The following PDE3A variants were observed in gnomAD, a reference collection of about 807,000 sequenced individuals.
PDE3A encodes the protein cGMP-inhibited 3',5'-cyclic phosphodiesterase 3A.
In PDE3A, 43 loss-of-function variants were observed where a neutral mutation model predicts 98.3. That is an observed-to-expected ratio of 0.44 (90% CI 0.34 to 0.56). The LOEUF is 0.56. Among genes scored for constraint, PDE3A ranks in the 20% least tolerant of loss-of-function variants. The pLI, the probability that PDE3A is intolerant of heterozygous loss-of-function variation, is 0.01. For synonymous variants in PDE3A, 663 were observed against 567.9 expected, an observed-to-expected ratio of 1.17 and a Z score of -2.38; for missense variants, 1,427 against 1,440.7, an observed-to-expected ratio of 0.99 and a Z score of 0.15.
At chr12:20,564,386 C>T (rs1157344110) in intron 2 of PDE3A, among the ~76,000 whole-genome samples, 1 of 152,036 alleles carries the variant, frequency 6.6e-6, no homozygotes, top group Non-Finnish European at 1.5e-5. Flanking sequence ...AAAATGAGAA[C>T]ATGTTTCTTC....
intron 2 of PDE3A, among the ~76,000 whole-genome samples, chr12:20,587,481 C>T (rs985774733): frequency 6.6e-6 from 1 of 151,954 alleles, no homozygotes; most frequent in Non-Finnish European, 1.5e-5. Context: ...ATTTGTGTTT[C>T]ATAGTGTTTC....
At chr12:20,438,341 G>C (rs1005279083) in intron 1 of PDE3A, among the ~76,000 whole-genome samples, 1 of 152,140 alleles carries the variant, frequency 6.6e-6, no homozygotes, top group Non-Finnish European at 1.5e-5. Flanking sequence ...TGTATATAAT[G>C]TTAAGGCAGG....
intron 10 of PDE3A, among the ~76,000 whole-genome samples, chr12:20,640,626 G>T (rs564500020): frequency 1.2e-4 from 19 of 152,096 alleles, no homozygotes; most frequent in Non-Finnish European, 2.6e-4. Flanking sequence ...GTGGGAATAA[G>T]TTTCCCATTT....
intron 1 of PDE3A, among the ~76,000 whole-genome samples, chr12:20,517,501 A>G (rs543451783): frequency 6.6e-6 from 1 of 152,338 alleles, no homozygotes; most frequent in African/African-American, 2.4e-5. Flanking sequence ...GGGCACCATG[A>G]TGACATAAAT....
intron 1 of PDE3A, among the ~76,000 whole-genome samples, chr12:20,428,343 G>A (rs1037387088): frequency 3.3e-5 from 5 of 152,026 alleles, no homozygotes; most frequent in African/African-American, 9.7e-5. Flanking sequence ...GCAGAGGTGC[G>A]ATCTCCACTC....
chr12:20,669,244 G>A (rs1409708332), intron 15 of PDE3A, among the ~76,000 whole-genome samples: 1 of 152,014 alleles, frequency 6.6e-6, no homozygotes, highest in African/African-American at 2.4e-5. Context: ...GAAAGTGATG[G>A]GGAGAATGGA....
At chr12:20,551,598 C>T (rs1942201448) in intron 1 of PDE3A, 3 of 1,555,592 alleles carry the variant, frequency 1.9e-6, no homozygotes, top group East Asian at 2.4e-5. Context: ...TGTGCGGGGG[C>T]CGGCAGGACC....
chr12:20,580,279 A>G (rs1160392407), intron 2 of PDE3A, among the ~76,000 whole-genome samples: 2 of 152,162 alleles, frequency 1.3e-5, no homozygotes, highest in African/African-American at 4.8e-5. Flanking sequence ...AGGGTTCAAA[A>G]GACATGGCTC....
chr12:20,446,222 T>G (rs1176064496), intron 1 of PDE3A, among the ~76,000 whole-genome samples: 1 of 152,162 alleles, frequency 6.6e-6, no homozygotes, highest in Non-Finnish European at 1.5e-5. Flanking sequence ...CTTCCAAATG[T>G]ATAAGCTTAA....
chr12:20,413,159 G>A (rs565309912), intron 1 of PDE3A, among the ~76,000 whole-genome samples: 2 of 152,272 alleles, frequency 1.3e-5, no homozygotes, highest in East Asian at 1.9e-4. Flanking sequence ...GAATAGCAAA[G>A]GGATTTTACT....
intron 1 of PDE3A, among the ~76,000 whole-genome samples, chr12:20,466,896 G>A (rs988067161): frequency 1.3e-5 from 2 of 152,110 alleles, no homozygotes; most frequent in African/African-American, 4.8e-5. Flanking sequence ...TCTTCAGTGT[G>A]TGCTTAAGTC....
intron 2 of PDE3A, among the ~76,000 whole-genome samples, chr12:20,589,609 C>T (rs951442789): frequency 6.6e-6 from 1 of 151,972 alleles, no homozygotes. Context: ...TGGCTCACAC[C>T]TGTAATCCCA....
intron 1 of PDE3A, among the ~76,000 whole-genome samples, chr12:20,403,216 A>G (rs1944166673): frequency 6.6e-6 from 1 of 152,204 alleles, no homozygotes; most frequent in African/African-American, 2.4e-5. Context: ...CTTCAGAGAC[A>G]ATTAAAATGT....
chr12:20,600,425 C>CTAGT (rs1311073174), intron 2 of PDE3A, among the ~76,000 whole-genome samples: 1 of 152,124 alleles, frequency 6.6e-6, no homozygotes, highest in East Asian at 1.9e-4. Flanking sequence ...ATTGCCCTTA[C>CTAGT]TAGTTAATCA....
chr12:20,669,734 G>A lies in PDE3A; in HGVS notation c.3185-10296G>A, dbSNP rs965352767. On this transcript the variant is annotated intron_variant, in intron 15 of 15. Transcript: ENST00000359062. The stretch of plus-strand genomic sequence containing the variant: ...TGGAAAGGAACAACCAGTACCAGCT[G>A]CTGCAAAATCATGCCAAGATGTAAA... Among the ~76,000 whole-genome samples the A allele has an allele frequency of 1.6e-4, 25 of 152,142 alleles. No homozygotes were observed. In the East Asian group the frequency reaches 3.1e-3, roughly 19 times the overall value.
intron 1 of PDE3A, among the ~76,000 whole-genome samples, chr12:20,382,684 CAA>C (rs1389220237): frequency 6.6e-6 from 1 of 151,890 alleles, no homozygotes; most frequent in Non-Finnish European, 1.5e-5. Flanking sequence ...CTTAAACTTT[CAA>C]AACTTTAGTG....
At position 20,627,421 on chromosome 12, in the gene PDE3A, C is replaced by CT. The variant is rs1944290401; in HGVS notation, c.1541-2482dup. ...ACCACGTTCCCTGCCCCTCTTTTTGCTTTTTGCTAAGCTGCCAGCCACTGA... is the reference window on the plus strand; with the variant it reads ...ACCACGTTCCCTGCCCCTCTTTTTGCTTTTTTGCTAAGCTGCCAGCCACTGA... On this transcript the variant is annotated intron_variant, in intron 5 of 15. Transcript: ENST00000359062. Among the ~76,000 whole-genome samples the CT allele has an allele frequency of 2.6e-5, 4 of 151,368 alleles. No homozygotes were observed. In the South Asian group the frequency reaches 8.4e-4, roughly 32 times the overall value.
chr12:20,600,135 T>C (rs902922819), intron 2 of PDE3A, among the ~76,000 whole-genome samples: 1 of 152,156 alleles, frequency 6.6e-6, no homozygotes, highest in African/African-American at 2.4e-5. Context: ...TATACTCCTT[T>C]CTCTTCACAC....
intron 1 of PDE3A, among the ~76,000 whole-genome samples, chr12:20,554,665 C>A (rs1305962933): frequency 3.3e-5 from 5 of 151,556 alleles, no homozygotes; most frequent in African/African-American, 1.2e-4. Flanking sequence ...CAGCTCACTG[C>A]AATCTTGGCC....
Sources: gnomAD v4.1 joint callset for allele counts (sites outside exome capture counted in the v4.1 genomes callset) on GRCh38, gnomAD v4.1.1 for gene constraint, MANE v1.5 for transcripts, NCBI Gene and HGNC (gene_info 2026-07-23, HGNC 2026-07-21) for gene names.